Variants in ERICH3 observed in about 807,000 individuals in gnomAD.
ERICH3 encodes the protein glutamate rich 3, also known as glutamate-rich protein 3.
Under a neutral mutation model 131.1 loss-of-function variants are expected in ERICH3, and 126 were observed. The observed-to-expected ratio is 0.96, with a 90% CI of 0.83 to 1.11. ERICH3 has a LOEUF of 1.11. Among genes scored for constraint, ERICH3 ranks in the 50% most tolerant of loss-of-function variants. The pLI is 0.00. For synonymous variants in ERICH3, 695 were observed against 644.6 expected (o/e 1.08, Z -1.18); for missense variants, 2,050 against 1,810.7 (o/e 1.13, Z -2.40).
chr1:74,638,599 C>G (rs1289299158), intron 5 of ERICH3, among the ~76,000 whole-genome samples: 1 of 152,174 alleles, frequency 6.6e-6, no homozygotes, highest in African/African-American at 2.4e-5. Flanking sequence ...TCCCCAATAT[C>G]TGTTTTCTTT....
At chr1:74,584,637 C>G (rs1647250777) in intron 12 of ERICH3, among the ~76,000 whole-genome samples, 2 of 152,176 alleles carry the variant, frequency 1.3e-5, no homozygotes, top group African/African-American at 4.8e-5. Flanking sequence ...AACCATCACT[C>G]TATTATCCCT....
rs117114534 is a variant in ERICH3 at position 74,618,717 on chromosome 1, A to T, written c.1000+2017T>A. Among the ~76,000 whole-genome samples, 157 of 152,330 alleles carry T rather than the reference A, an allele frequency of 1.0e-3. 5 individuals are homozygous for T. The East Asian group carries it at 0.024, about 24-fold the overall frequency. Reference sequence around the variant, plus strand: ...TTGAAGTCTAAAATCAAATTGCAAGACATCATGAATTACCTGGGAATAAAG... The same window carrying T: ...TTGAAGTCTAAAATCAAATTGCAAGTCATCATGAATTACCTGGGAATAAAG... On this transcript the variant is annotated intron_variant, in intron 8 of 14. Transcript: ENST00000326665.
At chr1:74,576,378 C>A (rs972397103) in intron 13 of ERICH3, among the ~76,000 whole-genome samples, 2 of 152,074 alleles carry the variant, frequency 1.3e-5, no homozygotes, top group Non-Finnish European at 2.9e-5. Context: ...AGTTGAATGC[C>A]CATTATAAAA....
intron 3 of ERICH3, among the ~76,000 whole-genome samples, chr1:74,646,431 G>T (rs914040312): frequency 2.0e-5 from 3 of 151,978 alleles, no homozygotes; most frequent in African/African-American, 7.2e-5. Flanking sequence ...ATGAAGAAAA[G>T]CTTACGCTAG....
intron 7 of ERICH3, among the ~76,000 whole-genome samples, chr1:74,630,959 G>A (rs1324275650): frequency 6.6e-6 from 1 of 152,042 alleles, no homozygotes; most frequent in Non-Finnish European, 1.5e-5. Flanking sequence ...GAAGGTTAGA[G>A]GTAAGGACAG....
At chr1:74,579,962 T>G in intron 12 of ERICH3, 4 of 848,918 alleles carry the variant, frequency 4.7e-6, no homozygotes, top group Non-Finnish European at 5.7e-6. Context: ...GGTATTTTTT[T>G]AAATATCAAA....
At chr1:74,635,788 C>T (rs973991317) in intron 6 of ERICH3, among the ~76,000 whole-genome samples, 2 of 152,132 alleles carry the variant, frequency 1.3e-5, no homozygotes, top group Admixed American at 1.3e-4. Flanking sequence ...ATAAACTCAG[C>T]ATTTTTTAAA....
At chr1:74,657,656 A>G (rs189432648) in intron 1 of ERICH3, among the ~76,000 whole-genome samples, 2 of 152,274 alleles carry the variant, frequency 1.3e-5, no homozygotes, top group East Asian at 3.9e-4. Flanking sequence ...GTTTGAAGTG[A>G]CTAGTAAAAA....
chr1:74,598,727 A>T (rs1347440477), intron 11 of ERICH3, among the ~76,000 whole-genome samples: 1 of 151,872 alleles, frequency 6.6e-6, no homozygotes, highest in Non-Finnish European at 1.5e-5. Context: ...TTTTTTGTCC[A>T]TAAGATTAAC....
intron 5 of ERICH3, among the ~76,000 whole-genome samples, chr1:74,639,757 A>G (rs1646421465): frequency 2.0e-5 from 3 of 152,200 alleles, no homozygotes. Context: ...TACCAAGGGC[A>G]CTAACATTGT....
chr1:74,573,018 C>T lies in ERICH3; in HGVS notation c.2692G>A (p.Gly898Ser). Residue 898 changes from glycine to serine, a missense_variant, in exon 14 of 15, where the codon GGT becomes AGT. Transcript: ENST00000326665. ...TTTGCAAGCACTGCCTTCTCTAAAC[C>T]CTGTTCCCCTTCAGAAGCTGCTTTG... ...TDKAASEGEQ[G>S]LEKAVLANEA... 6.2e-7 allele frequency: 1 copy of T among 1,614,170 alleles called. No homozygotes were observed. Among genetic ancestry groups the T allele is most frequent in the Non-Finnish European group, 8.5e-7 (1 of 1,180,024 alleles).
intron 6 of ERICH3, among the ~76,000 whole-genome samples, chr1:74,635,417 AC>A (rs1646379820): frequency 6.6e-6 from 1 of 152,182 alleles, no homozygotes; most frequent in Admixed American, 6.6e-5. Flanking sequence ...TTATACTTTT[AC>A]TGTGAAACAC....
At chr1:74,613,505 A>G (rs1557683675) in intron 8 of ERICH3, among the ~76,000 whole-genome samples, 1 of 152,194 alleles carries the variant, frequency 6.6e-6, no homozygotes, top group Non-Finnish European at 1.5e-5. Flanking sequence ...TTAATAATAA[A>G]AGGCTACTGT....
At chr1:74,649,167 G>A (rs1646510489) in intron 2 of ERICH3, 55 bp downstream of exon 2, 1 of 1,246,374 alleles carries the variant, frequency 8.0e-7, no homozygotes, top group Non-Finnish European at 1.1e-6. Flanking sequence ...AAAAGGTAGG[G>A]AATTATTGGA....
chr1:74,582,130 C>T (rs1327598352), intron 12 of ERICH3, among the ~76,000 whole-genome samples: 1 of 152,168 alleles, frequency 6.6e-6, no homozygotes, highest in African/African-American at 2.4e-5. Context: ...ACAAGCTTTC[C>T]TGGGATGGTG....
intron 12 of ERICH3, chr1:74,586,375 T>C: frequency 1.0e-6 from 1 of 967,626 alleles, no homozygotes; most frequent in Non-Finnish European, 1.2e-6. Context: ...TCTATACCTA[T>C]CTACCTACCT....
intron 2 of ERICH3, among the ~76,000 whole-genome samples, chr1:74,647,317 C>T (rs568488512): frequency 5.6e-4 from 85 of 152,166 alleles, no homozygotes; most frequent in African/African-American, 2.0e-3. Flanking sequence ...GTAGGAAGTA[C>T]TTTGAAGGGC....
chr1:74,670,602 G>A (rs556847662), intron 1 of ERICH3, among the ~76,000 whole-genome samples: 41 of 152,038 alleles, frequency 2.7e-4, no homozygotes, highest in Admixed American at 6.5e-4. Context: ...TGTTATCTTC[G>A]TAAGCTGAGG....
chr1:74,654,454 C>A (rs1646565732), intron 1 of ERICH3, among the ~76,000 whole-genome samples: 2 of 151,802 alleles, frequency 1.3e-5, no homozygotes, highest in Admixed American at 1.3e-4. Context: ...AACAGAATAC[C>A]ATAGCCTAGG....
Sources: allele counts gnomAD v4.1 joint callset (sites outside exome capture counted in the v4.1 genomes callset), GRCh38; gene constraint gnomAD v4.1.1; transcripts MANE v1.5; gene names NCBI Gene and HGNC (gene_info 2026-07-23, HGNC 2026-07-21).